Variants in FRMD1 observed in about 807,000 individuals in gnomAD.
FRMD1 encodes the protein FERM domain containing 1.
A neutral mutation model predicts 54.9 loss-of-function variants in FRMD1; 51 were observed. The observed-to-expected ratio is 0.93, with a 90% confidence interval of 0.74 to 1.17. The LOEUF (loss-of-function observed/expected upper bound fraction) is 1.17. Ranked by LOEUF, FRMD1 falls within the 50% of genes most tolerant of loss-of-function variation. FRMD1 has a pLI of 0.00. For missense variants in FRMD1, 729 were observed against 743.0 expected, an observed-to-expected ratio of 0.98 and a Z score of 0.22; for synonymous variants, 324 against 306.4, an observed-to-expected ratio of 1.06 and a Z score of -0.60.
intron 4 of FRMD1, chr6:168,065,824 A>G (rs9295041): frequency 0.82 from 822,626 of 999,726 alleles, 338,291 homozygotes; most frequent in South Asian, 0.83. Flanking sequence ...TGGAACTGGC[A>G]GGGATTGTGC....
chr6:168,064,283 C>T (rs540330481), intron 5 of FRMD1, among the ~76,000 whole-genome samples: 10 of 152,292 alleles, frequency 6.6e-5, no homozygotes, highest in Middle Eastern at 3.4e-3. Context: ...CAGGGATGAG[C>T]GGTCAAGGAG....
At chr6:168,091,988 C>G (rs915567247) in intron 1 of FRMD1, among the ~76,000 whole-genome samples, 2 of 152,242 alleles carry the variant, frequency 1.3e-5, no homozygotes, top group African/African-American at 4.8e-5. Flanking sequence ...TCGGCCTCCC[C>G]GTGAGGTCCT....
At chr6:168,091,566 C>G (rs1055462682) in intron 1 of FRMD1, among the ~76,000 whole-genome samples, 1 of 152,230 alleles carries the variant, frequency 6.6e-6, no homozygotes, top group African/African-American at 2.4e-5. Context: ...GTCTCTGGAG[C>G]CGGTGGGCGG....
intron 9 of FRMD1, 115 bp downstream of exon 9, chr6:168,060,646 G>C: frequency 9.6e-7 from 1 of 1,040,550 alleles, no homozygotes; most frequent in African/African-American, 1.6e-5. Context: ...CCTCACGTCT[G>C]GCCACTGGAG....
chr6:168,074,961 C>T (rs535423167), intron 2 of FRMD1, among the ~76,000 whole-genome samples: 1 of 147,726 alleles, frequency 6.8e-6, no homozygotes, highest in Admixed American at 6.7e-5. Flanking sequence ...GTGGCGTGTG[C>T]ATGTGTACAC....
upstream of FRMD1, chr6:168,081,659 A>T (rs543137933): frequency 2.9e-6 from 2 of 699,842 alleles, no homozygotes; most frequent in South Asian, 3.2e-5. Context: ...CGTGGTGAGA[A>T]GGAAGGCAGA....
At chr6:168,069,203 C>G (rs1472785204) in intron 2 of FRMD1, among the ~76,000 whole-genome samples, 1 of 152,216 alleles carries the variant, frequency 6.6e-6, no homozygotes, top group African/African-American at 2.4e-5. Flanking sequence ...CCACCCCACC[C>G]CATAACAGGC....
At chr6:168,072,041 G>C (rs536148347) in intron 2 of FRMD1, among the ~76,000 whole-genome samples, 1 of 152,368 alleles carries the variant, frequency 6.6e-6, no homozygotes, top group African/African-American at 2.4e-5. Context: ...AAGGGAAACA[G>C]GGTTAGAAGC....
rs764912458 is a variant in FRMD1, at chr6:168,061,878, C to CGCAGCAGGT, written c.965_973dup (p.His322_Leu324dup). The CGCAGCAGGT allele has an allele frequency of 3.8e-6, 6 of 1,589,128 alleles. No homozygotes were observed. The highest frequency in any genetic ancestry group is 3.4e-5 in the South Asian group (3 of 87,322). On this transcript the variant is annotated inframe_insertion, in exon 8 of 11. Transcript: ENST00000283309. ...GCGGAGGTGGAGCTGGTGGCTGGCG[C>CGCAGCAGGT]GCAGCAGGTGCAGCAGGTGCCTGGA...
intron 1 of FRMD1, 87 bp downstream of exon 1, chr6:168,078,773 TGCTCACCCCCACGGCCACCCAG>T: frequency 1.2e-4 from 8 of 67,004 alleles, no homozygotes; most frequent in East Asian, 2.6e-4. Context: ...TCCAGGGCCC[TGCTCACCCCCACGGCCACCCAG>T]GGCCCTGCTC....
chr6:168,075,635 G>T, intron 1 of FRMD1: 1 of 893,064 alleles, frequency 1.1e-6, no homozygotes, highest in South Asian at 1.4e-5. Context: ...ACCAGTCAGG[G>T]ACACACGATG....
At chr6:168,066,900 A>G in intron 3 of FRMD1, 69 bp from the exon 4 acceptor site, 2 of 1,582,782 alleles carry the variant, frequency 1.3e-6, no homozygotes, top group South Asian at 2.3e-5. Flanking sequence ...CTGTCTTCCC[A>G]GTTGGGGGGG....
rs951023902 is a variant in FRMD1, at chr6:168,072,556, C to A, written c.304+2689G>T. On this transcript the variant is annotated intron_variant, in intron 2 of 10. Transcript: ENST00000283309. ...GGCACAGACGAGGCAGAGTGGAGCG[C>A]GGACCAGAGCTCGCCCCCCAAACAC... Among the ~76,000 whole-genome samples, 11 of 152,208 alleles carry A rather than the reference C, an allele frequency of 7.2e-5. 1 individual carries two copies. Among genetic ancestry groups the A allele is most frequent in the Non-Finnish European group, 1.6e-4 (11 of 68,028 alleles).
At chr6:168,060,731 C>T in intron 9 of FRMD1, 30 bp downstream of exon 9, 1 of 1,589,154 alleles carries the variant, frequency 6.3e-7, no homozygotes, top group South Asian at 1.1e-5. Context: ...CTCACTGTCC[C>T]TGAGGCCTGG....
At chr6:168,087,337 G>A (rs1800938640) in intron 1 of FRMD1, among the ~76,000 whole-genome samples, 1 of 152,152 alleles carries the variant, frequency 6.6e-6, no homozygotes. Context: ...CAAAGTGCTG[G>A]GATTACAGGC....
At chr6:168,065,552 A>G (rs961361486) in intron 4 of FRMD1, 20 of 987,226 alleles carry the variant, frequency 2.0e-5, no homozygotes, top group Non-Finnish European at 2.4e-5. Flanking sequence ...AGATCTTCTC[A>G]TATAATTCCC....
Position 168,079,066 on chromosome 6 carries a change from A to G in FRMD1, c.29T>C (p.Ile10Thr), listed in dbSNP as rs377042736. MAVPPRGRG[I>T]DPARTNPDTF... The stretch of plus-strand genomic sequence containing the variant: ...GTCAGGGTTTGTCCGGGCGGGGTCT[A>G]TGCCCCTCCCTCTCGGGGGCACCGC... Residue 10 changes from isoleucine to threonine, a missense_variant, in exon 1 of 11, where the codon ATA (isoleucine) becomes ACA (threonine). Physicochemically the swap from Ile to Thr is moderately conservative, Grantham distance 89 (BLOSUM62 -1). Transcript: ENST00000283309. The G allele has an allele frequency of 6.8e-6, 11 of 1,608,002 alleles. No individual in the cohort carries two copies. Among genetic ancestry groups the G allele is most frequent in the African/African-American group, 6.7e-5 (5 of 74,666 alleles).
At chr6:168,064,812 G>C in intron 5 of FRMD1, 59 bp downstream of exon 5, 1 of 1,507,192 alleles carries the variant, frequency 6.6e-7, no homozygotes, top group Non-Finnish European at 8.9e-7. Context: ...GATGGCACCC[G>C]GTGGAGGTGG....
chr6:168,057,339 T>C lies in FRMD1; in HGVS notation c.1408A>G (p.Ile470Val), dbSNP rs894296479. The change falls in exon 11 of 11, where the codon ATC becomes GTC. Residue 470 changes from isoleucine (I) to valine (V), a missense_variant and splice_region_variant. Coordinates refer to ENST00000283309, the MANE Select transcript of FRMD1 (RefSeq NM_024919.6). ...RGQSAEAVHQ[I>V]QEMTAGVSEE... Reference sequence around the variant, plus strand: ...CTGACCCCGGCTGTCATTTCCTGGATCTGCGGGGAGAGGCCATGGGATGAG... The same window carrying C: ...CTGACCCCGGCTGTCATTTCCTGGACCTGCGGGGAGAGGCCATGGGATGAG... 5.0e-6 allele frequency: 8 copies of C among 1,609,650 alleles called. No homozygotes were observed. The highest frequency in any genetic ancestry group is 6.8e-6 in the Non-Finnish European group (8 of 1,179,796).
Sources: gnomAD v4.1 joint callset for allele counts (sites outside exome capture counted in the v4.1 genomes callset) on GRCh38, gnomAD v4.1.1 for gene constraint, MANE v1.5 for transcripts, NCBI Gene and HGNC (gene_info 2026-07-23, HGNC 2026-07-21) for gene names.